Variants in PTPRR observed in about 807,000 individuals in gnomAD.
PTPRR encodes the protein protein tyrosine phosphatase receptor type R, also known as receptor-type tyrosine-protein phosphatase R.
Under a neutral mutation model 77.2 loss-of-function variants are expected in PTPRR, and 38 were observed. That is an observed-to-expected ratio of 0.49 (90% CI 0.38 to 0.65). The LOEUF (loss-of-function observed/expected upper bound fraction) is 0.65, where lower values mean the gene tolerates loss of function less well. Among genes scored for constraint, PTPRR ranks in the 30% least tolerant of loss-of-function variants. The pLI, the probability that PTPRR is intolerant of heterozygous loss-of-function variation, is 0.00. For synonymous variants in PTPRR, 299 were observed against 283.1 expected, an observed-to-expected ratio of 1.06 and a Z score of -0.57; for missense variants, 744 against 799.2, an observed-to-expected ratio of 0.93 and a Z score of 0.83.
chr12:70,752,236 C>T (rs1455121177), intron 5 of PTPRR, among the ~76,000 whole-genome samples: 2 of 152,172 alleles, frequency 1.3e-5, no homozygotes, highest in Non-Finnish European at 2.9e-5. Context: ...GAATATTCTG[C>T]AGGAATCTGT....
chr12:70,743,159 G>A (rs1219560027), intron 6 of PTPRR, among the ~76,000 whole-genome samples: 1 of 152,098 alleles, frequency 6.6e-6, no homozygotes, highest in Non-Finnish European at 1.5e-5. Context: ...CAAGAGAAGG[G>A]AATCTGGAGG....
At chr12:70,898,781 C>T (rs776519580) in intron 1 of PTPRR, among the ~76,000 whole-genome samples, 4 of 150,778 alleles carry the variant, frequency 2.7e-5, no homozygotes, top group East Asian at 3.9e-4. Flanking sequence ...GAGAGAAAAA[C>T]GAGTGAAACA....
intron 8 of PTPRR, among the ~76,000 whole-genome samples, chr12:70,694,879 T>A (rs2136764629): frequency 6.6e-6 from 1 of 152,332 alleles, no homozygotes; most frequent in Non-Finnish European, 1.5e-5. Flanking sequence ...GATGTATGAT[T>A]ATTATTACAG....
At chr12:70,916,262 A>G (rs1421735531) in intron 1 of PTPRR, among the ~76,000 whole-genome samples, 1 of 152,172 alleles carries the variant, frequency 6.6e-6, no homozygotes, top group African/African-American at 2.4e-5. Flanking sequence ...GAGAAAGAAA[A>G]AAGCAAAACA....
Position 70,660,948 on chromosome 12 carries a change from G to C in PTPRR, c.1758C>G (p.Val586=). ...LASQGRGPVV[V]HCSAGIGRTG... Reference sequence around the variant, plus strand: ...GACCATACACGTCTTACCTGCAGTGGACAACCACAGGCCCTCGGCCCTGGG... The same window carrying C: ...GACCATACACGTCTTACCTGCAGTGCACAACCACAGGCCCTCGGCCCTGGG... Residue 586 remains valine (V), a synonymous_variant, in exon 12 of 14, where the codon GTC becomes GTG. Coordinates refer to ENST00000283228, the MANE Select transcript of PTPRR (RefSeq NM_002849.4). 1.9e-6 allele frequency: 3 copies of C among 1,612,924 alleles called. No homozygotes were observed. The South Asian group carries it at 3.3e-5, about 18-fold the overall frequency.
chr12:70,721,036 C>T (rs1437378120), intron 6 of PTPRR, among the ~76,000 whole-genome samples: 2 of 152,118 alleles, frequency 1.3e-5, no homozygotes, highest in African/African-American at 4.8e-5. Context: ...AAATGCATAT[C>T]TTATATAAAC....
intron 6 of PTPRR, among the ~76,000 whole-genome samples, chr12:70,730,995 G>GGAGGAAGGAGAGATA (rs1363541459): frequency 6.9e-6 from 1 of 145,358 alleles, no homozygotes; most frequent in East Asian, 2.1e-4. Context: ...GAGGAAGGAA[G>GGAGGAAGGAGAGATA]GAGGAAGGAG....
intron 6 of PTPRR, among the ~76,000 whole-genome samples, chr12:70,722,468 A>T (rs1159867157): frequency 6.6e-6 from 1 of 152,168 alleles, no homozygotes; most frequent in East Asian, 1.9e-4. Flanking sequence ...AAGGCTAGTA[A>T]ACAGTTTGTA....
At chr12:70,912,081 C>T (rs1893708574) in intron 1 of PTPRR, among the ~76,000 whole-genome samples, 1 of 152,062 alleles carries the variant, frequency 6.6e-6, no homozygotes, top group Non-Finnish European at 1.5e-5. Context: ...AAAATACCAC[C>T]TTGAATCAAG....
At chr12:70,772,398 G>A (rs1344669037) in intron 2 of PTPRR, among the ~76,000 whole-genome samples, 10 of 152,062 alleles carry the variant, frequency 6.6e-5, no homozygotes, top group Admixed American at 6.6e-4. Flanking sequence ...ACTGTTTCAA[G>A]GATTTATAGT....
At chr12:70,754,528 G>A (rs1287216912) in intron 4 of PTPRR, 1 of 1,584,164 alleles carries the variant, frequency 6.3e-7, no homozygotes, top group Non-Finnish European at 8.5e-7. Flanking sequence ...TGCCTGACAT[G>A]GCATCTGCAG....
Position 70,684,244 on chromosome 12 carries a change from T to C in PTPRR, c.1380A>G (p.Lys460=). 1 of 1,613,872 alleles carries C rather than the reference T, an allele frequency of 6.2e-7. No homozygotes were observed. Among genetic ancestry groups the C allele is most frequent in the South Asian group, 1.1e-5 (1 of 91,014 alleles). Residue 460 remains lysine (K), a synonymous_variant, in exon 10 of 14, where the codon AAA becomes AAG. Transcript: ENST00000283228. ...TGGGGCCCTGCGTGGCAATGAAGGC[T>C]TTCTCCTTGCCACTGTAGCCCTAGA... The part of the protein sequence containing the change: ...NYIRGYSGKE[K]AFIATQGPMI...
At chr12:70,844,682 G>C (rs1167765794) in intron 2 of PTPRR, among the ~76,000 whole-genome samples, 1 of 152,058 alleles carries the variant, frequency 6.6e-6, no homozygotes, top group Non-Finnish European at 1.5e-5. Context: ...ATTTGGACTT[G>C]ACTTATATGA....
intron 13 of PTPRR, 49 bp downstream of exon 13, chr12:70,656,655 G>T: frequency 7.7e-7 from 1 of 1,294,388 alleles, no homozygotes; most frequent in Non-Finnish European, 1.1e-6. Context: ...GATGAGATCA[G>T]GCTGTGAATG....
intron 2 of PTPRR, among the ~76,000 whole-genome samples, chr12:70,846,878 C>T (rs1397486089): frequency 6.6e-6 from 1 of 152,122 alleles, no homozygotes; most frequent in Non-Finnish European, 1.5e-5. Flanking sequence ...TGTCTTTCCT[C>T]AATCTATCCA....
chr12:70,915,260 C>G (rs1893758663), intron 1 of PTPRR, among the ~76,000 whole-genome samples: 1 of 152,050 alleles, frequency 6.6e-6, no homozygotes, highest in South Asian at 2.1e-4. Flanking sequence ...TTATGTTCAA[C>G]CATAGGATGA....
At chr12:70,659,077 A>G (rs1886699450) in intron 12 of PTPRR, among the ~76,000 whole-genome samples, 1 of 151,084 alleles carries the variant, frequency 6.6e-6, no homozygotes, top group African/African-American at 2.4e-5. Flanking sequence ...TAATTTTTGT[A>G]TTTTTAGTAG....
intron 2 of PTPRR, among the ~76,000 whole-genome samples, chr12:70,839,120 A>G (rs1425078993): frequency 6.6e-6 from 1 of 152,150 alleles, no homozygotes; most frequent in Admixed American, 6.6e-5. Flanking sequence ...TGTGATGCTG[A>G]ACCATGTGGA....
intron 6 of PTPRR, among the ~76,000 whole-genome samples, chr12:70,715,255 G>T (rs1433334316): frequency 1.3e-5 from 2 of 152,092 alleles, no homozygotes; most frequent in African/African-American, 2.4e-5. Flanking sequence ...GTTTCAAAAG[G>T]GGAGGGAGTA....
Sources: allele counts gnomAD v4.1 joint callset (sites outside exome capture counted in the v4.1 genomes callset), GRCh38; gene constraint gnomAD v4.1.1; transcripts MANE v1.5; gene names NCBI Gene and HGNC (gene_info 2026-07-23, HGNC 2026-07-21).